CRACD: variants seen among roughly 807,000 people sequenced by gnomAD.
CRACD encodes capping protein-inhibiting regulator of actin dynamics.
A neutral mutation model predicts 106.8 loss-of-function variants in CRACD; 56 were observed. The ratio of observed to expected loss-of-function variants is 0.52; its 90% CI spans 0.42 to 0.66. CRACD has a LOEUF of 0.66. Ranked by LOEUF, CRACD falls within the 30% of genes least tolerant of loss-of-function variation. CRACD has a pLI of 0.00. For synonymous variants in CRACD, 754 were observed against 670.8 expected, an observed-to-expected ratio of 1.12 and a Z score of -1.92; for missense variants, 1,730 against 1,623.2, an observed-to-expected ratio of 1.07 and a Z score of -1.13.
At chr4:56,199,187 G>A (rs765164420) in intron 2 of CRACD, among the ~76,000 whole-genome samples, 1 of 152,136 alleles carries the variant, frequency 6.6e-6, no homozygotes, top group Non-Finnish European at 1.5e-5. Context: ...GGGAAAAATA[G>A]CCACTTAAAT....
intron 3 of CRACD, among the ~76,000 whole-genome samples, chr4:56,280,053 A>G (rs1742934868): frequency 1.4e-4 from 21 of 148,028 alleles, no homozygotes; most frequent in Admixed American, 2.1e-4. Context: ...ACAAAAAACC[A>G]AACACCGCAT....
intron 2 of CRACD, among the ~76,000 whole-genome samples, chr4:56,265,780 T>G (rs1196704485): frequency 6.6e-6 from 1 of 152,162 alleles, no homozygotes; most frequent in East Asian, 1.9e-4. Flanking sequence ...AGTAAGACAT[T>G]TATGATGCTT....
intron 2 of CRACD, among the ~76,000 whole-genome samples, chr4:56,182,393 A>G (rs1047093791): frequency 6.6e-6 from 1 of 151,860 alleles, no homozygotes; most frequent in Non-Finnish European, 1.5e-5. Flanking sequence ...CAAACAAAAA[A>G]AGCAGAACAA....
intron 1 of CRACD, among the ~76,000 whole-genome samples, chr4:56,175,334 T>A (rs1736537531): frequency 6.6e-6 from 1 of 152,218 alleles, no homozygotes; most frequent in Admixed American, 6.5e-5. Flanking sequence ...TGCCAGCATA[T>A]GTTACTTCCT....
chr4:56,252,509 G>T (rs150866082), intron 2 of CRACD, among the ~76,000 whole-genome samples: 3 of 152,198 alleles, frequency 2.0e-5, no homozygotes, highest in African/African-American at 7.2e-5. Flanking sequence ...GCCAGCTCAA[G>T]GCTATAGTAT....
chr4:56,228,302 C>T (rs1196072678), intron 2 of CRACD, among the ~76,000 whole-genome samples: 5 of 152,096 alleles, frequency 3.3e-5, no homozygotes, highest in African/African-American at 1.2e-4. Context: ...AAAATTTGGT[C>T]TTCTAACAGA....
rs146351224 is a variant in CRACD, at chr4:56,180,085, C to A, written c.-189+655C>A. On this transcript the variant is annotated intron_variant, in intron 2 of 10. Transcript: ENST00000682029. Reference sequence around the variant, plus strand: ...TAGAAAATTCAATGGAAACAGTGGCCTTGTGTCTCATGGTGCTTTTGAGCC... The same window carrying A: ...TAGAAAATTCAATGGAAACAGTGGCATTGTGTCTCATGGTGCTTTTGAGCC... Among the ~76,000 whole-genome samples the A allele has an allele frequency of 2.7e-3, 416 of 152,196 alleles. 4 individuals are homozygous for A. The highest frequency in any genetic ancestry group is 9.3e-3 in the African/African-American group (387 of 41,542).
intron 1 of CRACD, among the ~76,000 whole-genome samples, chr4:56,137,396 C>T (rs1289630116): frequency 6.6e-6 from 1 of 152,070 alleles, no homozygotes; most frequent in Non-Finnish European, 1.5e-5. Flanking sequence ...ATGTATAAAG[C>T]AAAAATAGTA....
intron 3 of CRACD, among the ~76,000 whole-genome samples, chr4:56,288,843 T>C (rs1743531390): frequency 6.6e-6 from 1 of 152,242 alleles, no homozygotes; most frequent in Non-Finnish European, 1.5e-5. Context: ...ATTGCAGTGC[T>C]ACTTACAATA....
intron 1 of CRACD, among the ~76,000 whole-genome samples, chr4:56,075,654 C>T (rs993478539): frequency 6.6e-5 from 10 of 152,148 alleles, no homozygotes; most frequent in Non-Finnish European, 1.2e-4. Flanking sequence ...CTCCTAGCAA[C>T]CACTAATCTG....
chr4:56,175,405 T>C (rs1051973642), intron 1 of CRACD, among the ~76,000 whole-genome samples: 1 of 152,222 alleles, frequency 6.6e-6, no homozygotes, highest in Non-Finnish European at 1.5e-5. Context: ...GGTTTTTGAT[T>C]TGCATTTCCC....
intron 1 of CRACD, among the ~76,000 whole-genome samples, chr4:56,087,081 G>T (rs1733253854): frequency 6.6e-6 from 1 of 151,930 alleles, no homozygotes; most frequent in Non-Finnish European, 1.5e-5. Context: ...GTGTGATCTG[G>T]ACTCACTACA....
intron 1 of CRACD, among the ~76,000 whole-genome samples, chr4:56,119,421 A>G (rs1185655664): frequency 6.6e-6 from 1 of 150,882 alleles, no homozygotes; most frequent in East Asian, 1.9e-4. Flanking sequence ...GCCTCCACCT[A>G]CTGGGCTCAA....
chr4:56,307,639 G>A lies in CRACD; in HGVS notation c.225G>A (p.Leu75=). The part of the protein sequence containing the change: ...GEASLEEDLF[L]TSPMEIVTQQ... ...CTAGCTTAGAAGAGGATCTGTTCCT[G>A]ACCAGTCCCATGGAAATTGTGACTC... Residue 75 remains leucine (L), a synonymous_variant, in exon 5 of 11, where the codon CTG becomes CTA. Transcript: ENST00000682029. The A allele has an allele frequency of 6.2e-7, 1 of 1,614,180 alleles. No individual in the cohort carries two copies. Among genetic ancestry groups the A allele is most frequent in the African/African-American group, 1.3e-5 (1 of 75,062 alleles).
At position 56,316,475 on chromosome 4, in the gene CRACD, C is replaced by A; in HGVS notation, c.2973C>A (p.Arg991=). The change falls in exon 8 of 11, where the codon CGC becomes CGA. Residue 991 remains arginine, a synonymous_variant. Coordinates refer to ENST00000682029, the MANE Select transcript of CRACD (RefSeq NM_001393381.1). ...SRPYLVELLS[R]RAGRPDPEPS... is the part of the protein sequence containing the mutation. The stretch of plus-strand genomic sequence containing the variant: ...CCTACTTGGTAGAGCTGCTGTCTCG[C>A]CGAGCGGGGAGGCCGGACCCAGAGC... 6.2e-7 allele frequency: 1 copy of A among 1,613,922 alleles called. No individual in the cohort carries two copies. Among genetic ancestry groups the A allele is most frequent in the Non-Finnish European group, 8.5e-7 (1 of 1,179,862 alleles).
At chr4:56,146,432 A>G (rs1176994629) in intron 1 of CRACD, among the ~76,000 whole-genome samples, 1 of 149,020 alleles carries the variant, frequency 6.7e-6, no homozygotes, top group African/African-American at 2.5e-5. Flanking sequence ...TATTTTTATT[A>G]TTATACTTTA....
At chr4:56,112,228 G>A (rs1353758875) in intron 1 of CRACD, among the ~76,000 whole-genome samples, 1 of 152,182 alleles carries the variant, frequency 6.6e-6, no homozygotes, top group Non-Finnish European at 1.5e-5. Context: ...AGCAGCGAGA[G>A]AAAGTGAGGC....
chr4:56,193,670 T>C (rs1737476970), intron 2 of CRACD, among the ~76,000 whole-genome samples: 1 of 152,330 alleles, frequency 6.6e-6, no homozygotes, highest in African/African-American at 2.4e-5. Flanking sequence ...AAATTGCAAA[T>C]TGCTACTTGT....
At chr4:56,282,720 A>C (rs533328754) in intron 3 of CRACD, among the ~76,000 whole-genome samples, 5 of 152,184 alleles carry the variant, frequency 3.3e-5, no homozygotes, top group Non-Finnish European at 5.9e-5. Context: ...TGGCTGTCAC[A>C]GTTCCAGGTG....
Sources: gnomAD v4.1 joint callset for allele counts (sites outside exome capture counted in the v4.1 genomes callset) on GRCh38, gnomAD v4.1.1 for gene constraint, MANE v1.5 for transcripts, NCBI Gene and HGNC (gene_info 2026-07-23, HGNC 2026-07-21) for gene names.